Variants in ZSWIM3 observed in about 807,000 individuals in gnomAD.
ZSWIM3 encodes the protein zinc finger SWIM-type containing 3.
A neutral mutation model predicts 47.5 loss-of-function variants in ZSWIM3; 27 were observed. The observed-to-expected ratio is 0.57, with a 90% CI of 0.42 to 0.78. The LOEUF (loss-of-function observed/expected upper bound fraction) is 0.78. Ranked by LOEUF, ZSWIM3 falls within the 30% of genes least tolerant of loss-of-function variation. The probability of loss-of-function intolerance (pLI) is 0.00; values close to 1 mark genes in which losing one functional copy is unlikely to be tolerated. For missense variants in ZSWIM3, 689 were observed against 861.3 expected (o/e 0.80, Z 2.50); for synonymous variants, 333 against 333.9 (o/e 1.00, Z 0.03).
At chr20:45,873,340 G>T (rs1413415188) in intron 1 of ZSWIM3, among the ~76,000 whole-genome samples, 1 of 152,158 alleles carries the variant, frequency 6.6e-6, no homozygotes, top group Non-Finnish European at 1.5e-5. Flanking sequence ...GGCAGAGGTT[G>T]CAGTGAGTCG....
At chr20:45,867,008 T>TTTC (rs1985861557) in intron 1 of ZSWIM3, among the ~76,000 whole-genome samples, 2 of 147,926 alleles carry the variant, frequency 1.4e-5, no homozygotes, top group Non-Finnish European at 3.0e-5. Context: ...AGAAATTTTT[T>TTTC]TTTTTTTTTT....
At position 45,877,820 on chromosome 20, in the gene ZSWIM3, A is replaced by T. The variant is rs957728334; in HGVS notation, c.1262A>T (p.Asp421Val). The T allele has an allele frequency of 9.9e-6, 16 of 1,613,994 alleles. No homozygotes were observed. Among genetic ancestry groups the T allele is most frequent in the Non-Finnish European group, 1.4e-5 (16 of 1,180,020 alleles). Residue 421 changes from aspartate to valine, a missense_variant, in exon 2 of 2, where the codon GAT becomes GTT. Asp to Val is a radical substitution (Grantham distance 152). Coordinates refer to ENST00000255152, the MANE Select transcript of ZSWIM3 (RefSeq NM_080752.4). ...SLLDCILCFVDYIDFFNTKGL... is the reference protein window; with the variant it reads ...SLLDCILCFVVYIDFFNTKGL... ...CTGGACTGCATCCTCTGCTTTGTGGATTACATAGACTTCTTTAATACCAAA... is the reference window on the plus strand; with the variant it reads ...CTGGACTGCATCCTCTGCTTTGTGGTTTACATAGACTTCTTTAATACCAAA...
At position 45,857,690 on chromosome 20, in the gene ZSWIM3, C is replaced by G. The variant is rs1985561088; in HGVS notation, c.-136C>G. ...TTCCTCCCTGAGTTCCAGAATAGGC[C>G]ACCCAGTTGGGGCGGACCCTTAAGG... On this transcript the variant is annotated 5_prime_UTR_variant, in exon 1 of 2. Transcript: ENST00000255152. 1 of 1,092,214 alleles carries G rather than the reference C, an allele frequency of 9.2e-7. No individual in the cohort carries two copies. The highest frequency in any genetic ancestry group is 1.5e-5 in the South Asian group (1 of 65,992). The allele number at this position is 1,092,214 out of a possible 1,614,324, so 67.7% of individuals were successfully genotyped here. A position where few individuals can be genotyped will look rare whatever the true frequency, so the allele number is the denominator to read the frequency against.
intron 1 of ZSWIM3, among the ~76,000 whole-genome samples, chr20:45,869,321 C>T (rs1160514355): frequency 6.6e-6 from 1 of 151,534 alleles, no homozygotes; most frequent in Admixed American, 6.6e-5. Context: ...GAGTTCAAAA[C>T]CAGCCTGGCC....
chr20:45,863,013 G>A (rs965876976), intron 1 of ZSWIM3, among the ~76,000 whole-genome samples: 9 of 152,166 alleles, frequency 5.9e-5, no homozygotes, highest in Non-Finnish European at 1.2e-4. Flanking sequence ...TCTTGTATAT[G>A]CATTTGCATC....
Position 45,878,846 on chromosome 20 carries a change from T to G in ZSWIM3, c.*197T>G. The G allele has an allele frequency of 2.8e-6, 2 of 705,766 alleles. No homozygotes were observed. Among genetic ancestry groups the G allele is most frequent in the Non-Finnish European group, 4.4e-6 (2 of 453,584 alleles). The allele number at this position is 705,766 out of a possible 1,614,324, so 43.7% of individuals were successfully genotyped here. ...ATCTGCCCCTTTTCAGCCCTACTTTTGGCATTCCTTGGGAGCCTCAGTTGT... is the reference window on the plus strand; with the variant it reads ...ATCTGCCCCTTTTCAGCCCTACTTTGGGCATTCCTTGGGAGCCTCAGTTGT... On this transcript the variant is annotated 3_prime_UTR_variant, in exon 2 of 2. Transcript: ENST00000255152.
chr20:45,871,888 G>A (rs956552584), intron 1 of ZSWIM3, among the ~76,000 whole-genome samples: 2 of 150,154 alleles, frequency 1.3e-5, no homozygotes, highest in African/African-American at 4.9e-5. Flanking sequence ...GAAAAAAAAA[G>A]TATGTTTAGA....
At chr20:45,870,689 AT>A (rs56367159) in intron 1 of ZSWIM3, among the ~76,000 whole-genome samples, 856 of 143,568 alleles carry the variant, frequency 6.0e-3, no homozygotes, top group African/African-American at 9.9e-3. Context: ...AGTGGAATTT[AT>A]TTTTTTTTTT....
intron 1 of ZSWIM3, among the ~76,000 whole-genome samples, chr20:45,858,338 A>G (rs1275484417): frequency 1.3e-5 from 2 of 152,238 alleles, no homozygotes; most frequent in Non-Finnish European, 2.9e-5. Flanking sequence ...TTTACAAAAC[A>G]GTCACATGGT....
chr20:45,875,049 T>TTC (rs1405108871), intron 1 of ZSWIM3, among the ~76,000 whole-genome samples: 1 of 142,652 alleles, frequency 7.0e-6, no homozygotes, highest in Admixed American at 7.0e-5. Flanking sequence ...TTTTTTTTTT[T>TTC]TTTTTTTTTG....
chr20:45,869,529 A>G (rs1175491837), intron 1 of ZSWIM3, among the ~76,000 whole-genome samples: 1 of 151,764 alleles, frequency 6.6e-6, no homozygotes, highest in Non-Finnish European at 1.5e-5. Context: ...CAAAAGAAAA[A>G]AAAAAGAAAT....
intron 1 of ZSWIM3, among the ~76,000 whole-genome samples, chr20:45,861,442 A>T (rs1202134268): frequency 6.9e-6 from 1 of 145,430 alleles, no homozygotes; most frequent in Non-Finnish European, 1.5e-5. Context: ...AAAAAAAAAA[A>T]GCAAGCAGTG....
intron 1 of ZSWIM3, among the ~76,000 whole-genome samples, chr20:45,859,672 G>A (rs1190755022): frequency 6.6e-6 from 1 of 151,948 alleles, no homozygotes; most frequent in African/African-American, 2.4e-5. Flanking sequence ...GTAACAGTGA[G>A]GGATACCATG....
chr20:45,862,258 C>T (rs561296794), intron 1 of ZSWIM3, among the ~76,000 whole-genome samples: 2 of 150,956 alleles, frequency 1.3e-5, no homozygotes, highest in Non-Finnish European at 3.0e-5. Flanking sequence ...AGCGATTCTC[C>T]TGCCTCAGCC....
chr20:45,864,411 G>A (rs1211910683), intron 1 of ZSWIM3, among the ~76,000 whole-genome samples: 1 of 152,110 alleles, frequency 6.6e-6, no homozygotes, highest in African/African-American at 2.4e-5. Context: ...GGACTGGAGG[G>A]TTGGTGGGGG....
chr20:45,863,271 A>G (rs1293929917), intron 1 of ZSWIM3, among the ~76,000 whole-genome samples: 2 of 152,088 alleles, frequency 1.3e-5, no homozygotes, highest in African/African-American at 4.8e-5. Flanking sequence ...GTTGAAAAAT[A>G]TAAATTGAAT....
chr20:45,860,996 C>T (rs112836739), intron 1 of ZSWIM3, among the ~76,000 whole-genome samples: 2,124 of 152,242 alleles, frequency 0.014, 39 homozygotes, highest in African/African-American at 0.048. Context: ...CACGGTGGCT[C>T]ACACTTGTAA....
At position 45,876,769 on chromosome 20, in the gene ZSWIM3, C is replaced by A; in HGVS notation, c.211C>A (p.Arg71=). The A allele has an allele frequency of 6.2e-7, 1 of 1,614,022 alleles. No homozygotes were observed. ...IRTQSNRKRT[R]EADMCPAYLL... is the part of the protein sequence containing the mutation. ...GACCCAATCAAACAGGAAGAGAACG[C>A]GGGAGGCAGACATGTGCCCAGCGTA... Residue 71 remains arginine (R), a synonymous_variant, in exon 2 of 2, where the codon CGG becomes AGG. Transcript: ENST00000255152.
intron 1 of ZSWIM3, chr20:45,872,754 C>T (rs1349504461): frequency 1.0e-5 from 13 of 1,289,306 alleles, no homozygotes; most frequent in Non-Finnish European, 1.3e-5. Context: ...CCTCGCTGTA[C>T]TACTGGACTG....
Sources: allele counts gnomAD v4.1 joint callset (sites outside exome capture counted in the v4.1 genomes callset), GRCh38; gene constraint gnomAD v4.1.1; transcripts MANE v1.5; gene names NCBI Gene and HGNC (gene_info 2026-07-23, HGNC 2026-07-21).